Variants in TFIP11 observed in about 807,000 individuals in gnomAD.
The protein encoded by TFIP11 is tuftelin interacting protein 11.
A neutral mutation model predicts 96.8 loss-of-function variants in TFIP11; 86 were observed. That is an observed-to-expected ratio of 0.89 (90% CI 0.75 to 1.06). TFIP11 has a LOEUF of 1.06. TFIP11 is among the 50% of genes least tolerant of loss of function. The probability of loss-of-function intolerance (pLI) is 0.00; values close to 1 mark genes in which losing one functional copy is unlikely to be tolerated. For synonymous variants in TFIP11, 405 were observed against 395.2 expected (o/e 1.02, Z -0.29); for missense variants, 881 against 1,076.7 (o/e 0.82, Z 2.54).
At chr22:26,499,762 C>T in intron 8 of TFIP11, 131 bp from the exon 9 acceptor site, 2 of 981,530 alleles carry the variant, frequency 2.0e-6, no homozygotes, top group Non-Finnish European at 3.0e-6. Flanking sequence ...TGGAGAAGGG[C>T]AGTGTTGTAA....
rs756952141 is a variant in TFIP11 at position 26,492,134 on chromosome 22, C to G, written c.2393G>C (p.Gly798Ala). Reference sequence around the variant, plus strand: ...GCGGCCAAAGGTGTAGAGCTGCTTCCCTTCGTGTCGCTTCCCAATGACGGG... The same window carrying G: ...GCGGCCAAAGGTGTAGAGCTGCTTCGCTTCGTGTCGCTTCCCAATGACGGG... The part of the protein sequence containing the change: ...FMPVIGKRHE[G>A]KQLYTFGRIV... The change falls in exon 15 of 15, where the codon GGG becomes GCG. Residue 798 changes from glycine to alanine, a missense_variant. Coordinates refer to ENST00000407690, the MANE Select transcript of TFIP11 (RefSeq NM_012143.4). 5.0e-6 allele frequency: 8 copies of G among 1,613,350 alleles called. No homozygotes were observed. Among genetic ancestry groups the G allele is most frequent in the Non-Finnish European group, 6.8e-6 (8 of 1,179,808 alleles).
chr22:26,494,248 G>A lies in TFIP11; in HGVS notation c.2049C>T (p.Tyr683=), dbSNP rs778682484. The change falls in exon 14 of 15, where the codon TAC becomes TAT. Residue 683 remains tyrosine, a synonymous_variant. Transcript: ENST00000407690. ...CTGAGAACATCGACTTCCAACCCAG[G>A]TACCACTTGGTGATCTCCTCATAAT... is the stretch of plus-strand genomic sequence containing the variant. The part of the protein sequence containing the change: ...SPNYEEITKW[Y]LGWKSMFSDQ... The A allele has an allele frequency of 3.1e-6, 5 of 1,614,162 alleles. No individual in the cohort carries two copies. Among genetic ancestry groups the A allele is most frequent in the South Asian group, 1.1e-5 (1 of 91,084 alleles).
intron 13 of TFIP11, 188 bp downstream of exon 13, chr22:26,494,609 A>G (rs1358499388): frequency 2.3e-6 from 2 of 876,974 alleles, no homozygotes; most frequent in Non-Finnish European, 3.4e-6. Flanking sequence ...AAGTGCTTGG[A>G]ACAGCTTCTG....
chr22:26,511,062 A>G (rs1367493183), intron 2 of TFIP11: 1 of 152,254 alleles, frequency 6.6e-6, no homozygotes, highest in Non-Finnish European at 1.5e-5. Flanking sequence ...CTAGAGCGAC[A>G]TAACTAATGG....
At position 26,492,111 on chromosome 22, in the gene TFIP11, G is replaced by A. The variant is rs758325865; in HGVS notation, c.2416C>T (p.Arg806Cys). Residue 806 changes from arginine to cysteine, a missense_variant, in exon 15 of 15, where the codon CGC becomes TGC. Coordinates refer to ENST00000407690, the MANE Select transcript of TFIP11 (RefSeq NM_012143.4). ...HEGKQLYTFGRIVIYIDRGVV... is the reference protein window; with the variant it reads ...HEGKQLYTFGCIVIYIDRGVV... ...CCCCGGTCGATGTAGATCACAATGC[G>A]GCCAAAGGTGTAGAGCTGCTTCCCT... The A allele has an allele frequency of 6.2e-7, 1 of 1,614,122 alleles. No homozygotes were observed.
chr22:26,508,626 C>A (rs1305159865), intron 4 of TFIP11, among the ~76,000 whole-genome samples: 1 of 152,136 alleles, frequency 6.6e-6, no homozygotes, highest in Non-Finnish European at 1.5e-5. Flanking sequence ...GAGGCCGAGG[C>A]AGGCGGATGA....
At chr22:26,498,664 T>TC (rs1569159362) in intron 10 of TFIP11, 8 of 520,210 alleles carry the variant, frequency 1.5e-5, no homozygotes, top group Non-Finnish European at 2.7e-5. Context: ...TACTACCTGT[T>TC]CCCCAAACCC....
At position 26,499,350 on chromosome 22, in the gene TFIP11, C is replaced by T. The variant is rs1223882022; in HGVS notation, c.1083G>A (p.Glu361=). ...NLFHELEKMT[E]VLDHEERVIS... ...TGACCCGCTCCTCGTGGTCCAGGAC[C>T]TCGGTCATCTTCTCCAGCTCGTGGA... The change falls in exon 9 of 15, where the codon GAG becomes GAA. Residue 361 remains glutamate (E), a synonymous_variant. Transcript: ENST00000407690. 3 of 1,614,034 alleles carry T rather than the reference C, an allele frequency of 1.9e-6. No individual in the cohort carries two copies. Among genetic ancestry groups the T allele is most frequent in the South Asian group, 1.1e-5 (1 of 91,092 alleles).
Position 26,492,308 on chromosome 22 carries a change from C to T in TFIP11, c.2219G>A (p.Arg740Lys). The change falls in exon 15 of 15, where the codon AGG (arginine) becomes AAG (lysine). Residue 740 changes from arginine (R) to lysine (K), a missense_variant. Physicochemically the swap from Arg to Lys is conservative, Grantham distance 26. Coordinates refer to ENST00000407690, the MANE Select transcript of TFIP11 (RefSeq NM_012143.4). ...CATGGCCTCGTACTGGAAGTCCTTC[C>T]TCCGCTCCGTGTGGGTGAGATAGGC... ...NIAYLTHTERRKDFQYEAMQE... is the reference protein window; with the variant it reads ...NIAYLTHTERKKDFQYEAMQE... 1.9e-6 allele frequency: 3 copies of T among 1,614,182 alleles called. No individual in the cohort carries two copies. The highest frequency in any genetic ancestry group is 2.5e-6 in the Non-Finnish European group (3 of 1,180,032).
At chr22:26,495,991 ATGCTTTAAATCATCAC>A (rs1429526971) in intron 12 of TFIP11, 66 bp downstream of exon 12, 2 of 1,539,126 alleles carry the variant, frequency 1.3e-6, no homozygotes, top group Non-Finnish European at 1.8e-6. Flanking sequence ...CATAAAGGCG[ATGCTTTAAATCATCAC>A]TGCTAACCAC....
intron 7 of TFIP11, among the ~76,000 whole-genome samples, chr22:26,502,805 C>G (rs1159721952): frequency 6.6e-6 from 1 of 152,158 alleles, no homozygotes; most frequent in Non-Finnish European, 1.5e-5. Context: ...TAAAGATTTA[C>G]CTTCTAGACA....
Position 26,496,845 on chromosome 22 carries a change from G to A in TFIP11, c.1481C>T (p.Thr494Ile). ...VWMPFVRNIV[T>I]QWQPRNCDPM... ...GTCACAGTTCCTTGGCTGCCACTGG[G>A]TGACAATATTTCGAACAAAAGGCAT... Residue 494 changes from threonine to isoleucine, a missense_variant, in exon 11 of 15, where the codon ACC becomes ATC. Transcript: ENST00000407690. 1.2e-6 allele frequency: 2 copies of A among 1,614,142 alleles called. No individual in the cohort carries two copies. Among genetic ancestry groups the A allele is most frequent in the Non-Finnish European group, 1.7e-6 (2 of 1,180,028 alleles).
intron 10 of TFIP11, among the ~76,000 whole-genome samples, chr22:26,498,308 G>A (rs1248047588): frequency 1.3e-5 from 2 of 152,172 alleles, no homozygotes; most frequent in Admixed American, 6.5e-5. Context: ...TTTTTTGGAG[G>A]CCAAGGCGGG....
chr22:26,503,546 T>C (rs1408734477), intron 7 of TFIP11, 120 bp downstream of exon 7: 1 of 1,300,224 alleles, frequency 7.7e-7, no homozygotes, highest in Non-Finnish European at 1.1e-6. Flanking sequence ...TTCAGCCCAG[T>C]ACCTGGCATA....
chr22:26,496,427 G>A, intron 11 of TFIP11, 111 bp from the exon 12 acceptor site: 1 of 1,406,326 alleles, frequency 7.1e-7, no homozygotes, highest in Non-Finnish European at 9.5e-7. Flanking sequence ...TGCTCTCTGA[G>A]GCCCACAGTC....
chr22:26,494,747 A>C (rs746587588), intron 13 of TFIP11, 50 bp downstream of exon 13: 3 of 1,611,484 alleles, frequency 1.9e-6, no homozygotes, highest in Non-Finnish European at 2.5e-6. Flanking sequence ...AAATTAACTT[A>C]ATCCCCACCC....
At chr22:26,506,666 ACACT>A in intron 5 of TFIP11, 105 bp downstream of exon 5, 7 of 1,444,000 alleles carry the variant, frequency 4.8e-6, no homozygotes, top group Non-Finnish European at 6.7e-6. Context: ...CCAAAAGGAG[ACACT>A]CACGAAATTC....
chr22:26,506,555 C>T lies in TFIP11; in HGVS notation c.364-96G>A, dbSNP rs940683956. ...CAACAGGAAAATGGCCTAAGTTATA[C>T]AGCACTATGAAAAGTGTCATATGAA... On this transcript the variant is annotated intron_variant, in intron 5 of 14. Coordinates refer to ENST00000407690, the MANE Select transcript of TFIP11 (RefSeq NM_012143.4). 3 of 1,468,010 alleles carry T rather than the reference C, an allele frequency of 2.0e-6. No individual in the cohort carries two copies. The South Asian group carries it at 4.1e-5, about 20-fold the overall frequency. 90.9% of individuals were successfully genotyped at this position (1,468,010 alleles called of 1,614,324 possible).
At chr22:26,497,107 G>T (rs918078827) in intron 10 of TFIP11, among the ~76,000 whole-genome samples, 1 of 152,124 alleles carries the variant, frequency 6.6e-6, no homozygotes. Context: ...AGTCTCCTAG[G>T]TAGTGCCCAT....
Sources: gnomAD v4.1 joint callset for allele counts (sites outside exome capture counted in the v4.1 genomes callset) on GRCh38, gnomAD v4.1.1 for gene constraint, MANE v1.5 for transcripts, NCBI Gene and HGNC (gene_info 2026-07-23, HGNC 2026-07-21) for gene names.